Variants in C1orf21 observed in about 807,000 individuals in gnomAD.
C1orf21 encodes the protein chromosome 1 open reading frame 21.
Under a neutral mutation model 18.7 loss-of-function variants are expected in C1orf21, and 3 were observed. That is an observed-to-expected ratio of 0.16 (90% confidence interval 0.07 to 0.42). The LOEUF is 0.42. Ranked by LOEUF, C1orf21 falls within the 10% of genes least tolerant of loss-of-function variation. The pLI is 0.99. For missense variants in C1orf21, 104 were observed against 143.6 expected, an observed-to-expected ratio of 0.72 and a Z score of 1.41; for synonymous variants, 41 against 46.4, an observed-to-expected ratio of 0.88 and a Z score of 0.47.
intron 1 of C1orf21, among the ~76,000 whole-genome samples, chr1:184,396,847 G>A (rs945109706): frequency 6.6e-5 from 10 of 152,174 alleles, no homozygotes; most frequent in Non-Finnish European, 1.5e-4. Context: ...GCCTGCAACT[G>A]TAGGGTTCAT....
chr1:184,521,232 A>G (rs1194957600), intron 3 of C1orf21, among the ~76,000 whole-genome samples: 1 of 152,134 alleles, frequency 6.6e-6, no homozygotes, highest in African/African-American at 2.4e-5. Flanking sequence ...AATTTCTTAC[A>G]ATGCTAAACA....
chr1:184,525,868 A>G (rs960519866), intron 3 of C1orf21, among the ~76,000 whole-genome samples: 4 of 152,100 alleles, frequency 2.6e-5, no homozygotes, highest in African/African-American at 9.7e-5. Flanking sequence ...CCAGTCACCT[A>G]ATTTCCATCT....
intron 2 of C1orf21, among the ~76,000 whole-genome samples, chr1:184,482,711 G>A (rs1657675952): frequency 6.6e-6 from 1 of 152,238 alleles, no homozygotes; most frequent in African/African-American, 2.4e-5. Context: ...GGATGGCTCT[G>A]AAGTATGTGT....
chr1:184,486,706 A>G (rs1657737548), intron 2 of C1orf21, among the ~76,000 whole-genome samples: 1 of 152,246 alleles, frequency 6.6e-6, no homozygotes, highest in South Asian at 2.1e-4. Flanking sequence ...TATTAAAAAA[A>G]AAATCCAAGT....
At chr1:184,569,647 A>G (rs1340172251) in intron 3 of C1orf21, among the ~76,000 whole-genome samples, 1 of 152,236 alleles carries the variant, frequency 6.6e-6, no homozygotes. Flanking sequence ...ACCTGAGGCC[A>G]GGAGTTCGAG....
intron 1 of C1orf21, among the ~76,000 whole-genome samples, chr1:184,424,615 C>T (rs1003694787): frequency 6.6e-6 from 1 of 152,158 alleles, no homozygotes; most frequent in Non-Finnish European, 1.5e-5. Flanking sequence ...AGAGAATGTG[C>T]CCGGCTCCAT....
chr1:184,512,612 G>A (rs1190836455), intron 3 of C1orf21, among the ~76,000 whole-genome samples: 2 of 152,212 alleles, frequency 1.3e-5, no homozygotes, highest in African/African-American at 2.4e-5. Flanking sequence ...GGATGGTGGT[G>A]TAAAGTAGTA....
chr1:184,430,042 G>T (rs1414113290), intron 1 of C1orf21, among the ~76,000 whole-genome samples: 1 of 150,966 alleles, frequency 6.6e-6, no homozygotes, highest in African/African-American at 2.4e-5. Flanking sequence ...AACCCGGGAG[G>T]TGGAGCTTGC....
intron 4 of C1orf21, among the ~76,000 whole-genome samples, chr1:184,593,581 C>T (rs1383602673): frequency 6.6e-6 from 1 of 152,160 alleles, no homozygotes; most frequent in Non-Finnish European, 1.5e-5. Context: ...AGGCAAGTGA[C>T]CTATGTCTTT....
At chr1:184,422,604 T>C (rs1256796854) in intron 1 of C1orf21, among the ~76,000 whole-genome samples, 1 of 152,196 alleles carries the variant, frequency 6.6e-6, no homozygotes, top group African/African-American at 2.4e-5. Context: ...ACTAGAACCT[T>C]GCTAGGCGGC....
intron 1 of C1orf21, among the ~76,000 whole-genome samples, chr1:184,407,328 T>TGTGGCTAAAACATTTTAC (rs1656264035): frequency 6.6e-6 from 1 of 152,102 alleles, no homozygotes; most frequent in Non-Finnish European, 1.5e-5. Context: ...TGGAACTAAC[T>TGTGGCTAAAACATTTTAC]GTGGCTAAAA....
chr1:184,420,222 C>T (rs1656523785), intron 1 of C1orf21, among the ~76,000 whole-genome samples: 1 of 150,696 alleles, frequency 6.6e-6, no homozygotes, highest in African/African-American at 2.5e-5. Context: ...ATGCTGGTCT[C>T]ATTTTTTTTT....
At chr1:184,402,153 G>A (rs555011874) in intron 1 of C1orf21, among the ~76,000 whole-genome samples, 12 of 152,096 alleles carry the variant, frequency 7.9e-5, no homozygotes, top group Admixed American at 3.9e-4. Context: ...TTAGTTCCTC[G>A]GTCACACTAT....
At chr1:184,473,639 C>A (rs1248839623) in intron 1 of C1orf21, among the ~76,000 whole-genome samples, 1 of 152,154 alleles carries the variant, frequency 6.6e-6, no homozygotes, top group Non-Finnish European at 1.5e-5. Context: ...GAAACCTTGA[C>A]ATTATATCAG....
At position 184,520,802 on chromosome 1, in the gene C1orf21, G is replaced by C. The variant is rs142066210; in HGVS notation, c.189+13120G>C. ...CTTGAATTACTTTAAAACATACTTT[G>C]GGAAATACAGAAGTGAATAAAAAAT... On this transcript the variant is annotated intron_variant, in intron 3 of 5. Coordinates refer to ENST00000235307, the MANE Select transcript of C1orf21 (RefSeq NM_030806.4). 5.5e-4 allele frequency among the ~76,000 whole-genome samples: 84 copies of C among 152,190 alleles called. No individual in the cohort carries two copies. In the East Asian group the frequency reaches 0.014, roughly 25 times the overall value.
At chr1:184,393,789 A>G (rs1356677487) in intron 1 of C1orf21, among the ~76,000 whole-genome samples, 1 of 152,240 alleles carries the variant, frequency 6.6e-6, no homozygotes, top group Non-Finnish European at 1.5e-5. Context: ...CGGCTTGCTA[A>G]TCACAAAAGT....
intron 1 of C1orf21, among the ~76,000 whole-genome samples, chr1:184,422,896 T>A (rs1286156780): frequency 6.6e-6 from 1 of 152,208 alleles, no homozygotes; most frequent in Non-Finnish European, 1.5e-5. Flanking sequence ...ATAAAATGTT[T>A]TGTCTGGCAC....
chr1:184,564,219 T>C (rs1484579729), intron 3 of C1orf21, among the ~76,000 whole-genome samples: 2 of 152,170 alleles, frequency 1.3e-5, no homozygotes, highest in African/African-American at 4.8e-5. Context: ...AGAGTTAGAA[T>C]ATATATGCAA....
chr1:184,403,091 T>C (rs970892145), intron 1 of C1orf21, among the ~76,000 whole-genome samples: 3 of 152,254 alleles, frequency 2.0e-5, no homozygotes, highest in East Asian at 3.9e-4. Flanking sequence ...TCTTTACCAG[T>C]TGGATTGTGA....
Sources: gnomAD v4.1 joint callset for allele counts (sites outside exome capture counted in the v4.1 genomes callset) on GRCh38, gnomAD v4.1.1 for gene constraint, MANE v1.5 for transcripts, NCBI Gene and HGNC (gene_info 2026-07-23, HGNC 2026-07-21) for gene names.